The following IL1RAPL1 variants were observed in gnomAD, a reference collection of about 807,000 sequenced individuals.
IL1RAPL1 encodes interleukin-1 receptor accessory protein-like 1.
In IL1RAPL1, 3 loss-of-function variants were observed where a neutral mutation model predicts 48.4. That is an observed-to-expected ratio of 0.06 (90% CI 0.03 to 0.16). The LOEUF (loss-of-function observed/expected upper bound fraction) is 0.16. Ranked by LOEUF, IL1RAPL1 falls within the 10% of genes least tolerant of loss-of-function variation. The pLI is 1.00. For synonymous variants in IL1RAPL1, 185 were observed against 187.7 expected (o/e 0.99, Z 0.12); for missense variants, 349 against 530.6 (o/e 0.66, Z 3.36).
chrX:29,863,993 G>A (rs1040417092), intron 6 of IL1RAPL1, among the ~76,000 whole-genome samples: 1 of 111,082 alleles, frequency 9.0e-6, no homozygotes, highest in Non-Finnish European at 1.9e-5. Context: ...CACCATGTTG[G>A]TCAGGATGGT....
intron 3 of IL1RAPL1, among the ~76,000 whole-genome samples, chrX:29,332,641 TTTA>T (rs1245419725): frequency 0.037 from 3,758 of 100,380 alleles, 149 homozygotes; most frequent in African/African-American, 0.13. Flanking sequence ...TATTTATTTA[TTTA>T]TTTATTTTAT....
chrX:29,337,482 T>A (rs1461566394), intron 3 of IL1RAPL1, among the ~76,000 whole-genome samples: 1 of 111,342 alleles, frequency 9.0e-6, no homozygotes. Context: ...AAAATAGGCG[T>A]CTTGCAGCTC....
At chrX:29,472,184 A>C (rs1183636008) in intron 5 of IL1RAPL1, among the ~76,000 whole-genome samples, 1 of 111,730 alleles carries the variant, frequency 9.0e-6, no homozygotes, top group Non-Finnish European at 1.9e-5. Flanking sequence ...TGCTACCTAT[A>C]TCTCACAGCT....
At chrX:28,649,235 T>A (rs1452695448) in intron 1 of IL1RAPL1, among the ~76,000 whole-genome samples, 1 of 112,165 alleles carries the variant, frequency 8.9e-6, no homozygotes, top group Non-Finnish European at 1.9e-5. Flanking sequence ...CATCAAAGTA[T>A]TCCAAGGGCC....
intron 3 of IL1RAPL1, among the ~76,000 whole-genome samples, chrX:29,372,773 CTTTTTTT>C (rs1160543169): frequency 6.6e-4 from 42 of 63,482 alleles, no homozygotes; most frequent in African/African-American, 2.3e-3. Flanking sequence ...GTCTATGTGT[CTTTTTTT>C]TTTTTTTTTT....
At position 29,322,492 on chromosome X, in the gene IL1RAPL1, C is replaced by G. The variant is rs186680586; in HGVS notation, c.362+39275C>G. Among the ~76,000 whole-genome samples the G allele has an allele frequency of 2.2e-4, 25 of 111,334 alleles. No individual in the cohort carries two copies. In the East Asian group the frequency reaches 6.2e-3, roughly 28 times the overall value. ...ATTGGTCAGGCTGGTCTTGAACTCC[C>G]GAGCTCAGGTGTTCTGTCTGCCTCA... On this transcript the variant is annotated intron_variant, in intron 3 of 10. Transcript: ENST00000378993.
intron 2 of IL1RAPL1, among the ~76,000 whole-genome samples, chrX:29,209,558 G>T (rs1930731011): frequency 9.0e-6 from 1 of 111,688 alleles, no homozygotes; most frequent in Non-Finnish European, 1.9e-5. Context: ...TTGGCTAGGT[G>T]CGCTTATACA....
chrX:29,598,354 C>T (rs111412191), intron 5 of IL1RAPL1, among the ~76,000 whole-genome samples: 1,854 of 111,889 alleles, frequency 0.017, 34 homozygotes, highest in African/African-American at 0.057. Context: ...CTTTTGGAGT[C>T]GATTTCCAAT....
At chrX:28,766,668 C>T (rs971459058) in intron 1 of IL1RAPL1, among the ~76,000 whole-genome samples, 1 of 110,496 alleles carries the variant, frequency 9.1e-6, no homozygotes, top group African/African-American at 3.3e-5. Flanking sequence ...CATTAACCAT[C>T]CTCCTCTCCT....
rs746244407 is a variant in IL1RAPL1, at chrX:28,600,238, A to T, written c.-25+12191A>T. ...TTTGTTTAAAGAGATAAAGAAACTA[A>T]ATACAATGGAGTATAAGGCCTTGCT... On this transcript the variant is annotated intron_variant, in intron 1 of 10. Transcript: ENST00000378993. 3.6e-5 allele frequency among the ~76,000 whole-genome samples: 4 copies of T among 112,005 alleles called. No homozygotes were observed. The East Asian group carries it at 1.1e-3, about 32-fold the overall frequency.
intron 5 of IL1RAPL1, among the ~76,000 whole-genome samples, chrX:29,464,373 C>A (rs1934838857): frequency 9.0e-6 from 1 of 111,121 alleles, no homozygotes; most frequent in Non-Finnish European, 1.9e-5. Flanking sequence ...AAATGGTCTC[C>A]CTTGAGTTGT....
intron 5 of IL1RAPL1, among the ~76,000 whole-genome samples, chrX:29,499,772 T>G (rs542485738): frequency 1.8e-5 from 2 of 111,524 alleles, no homozygotes; most frequent in Admixed American, 1.9e-4. Context: ...AACTTGTCTA[T>G]TGAATTATAA....
chrX:29,755,127 T>C (rs1415136943), intron 6 of IL1RAPL1, among the ~76,000 whole-genome samples: 1 of 112,625 alleles, frequency 8.9e-6, no homozygotes, highest in Non-Finnish European at 1.9e-5. Context: ...GGCAGCTGCC[T>C]CATAAGTATG....
chrX:29,827,324 A>G (rs1930759432), intron 6 of IL1RAPL1, among the ~76,000 whole-genome samples: 1 of 112,701 alleles, frequency 8.9e-6, no homozygotes, highest in African/African-American at 3.2e-5. Context: ...TAAAGGAAGA[A>G]CTTATTCCAC....
chrX:28,781,853 T>C (rs1043631260), intron 1 of IL1RAPL1, among the ~76,000 whole-genome samples: 2 of 111,651 alleles, frequency 1.8e-5, no homozygotes, highest in African/African-American at 6.5e-5. Flanking sequence ...ACTCCCATCA[T>C]CAGATTATCA....
At chrX:28,834,612 A>G (rs1195923718) in intron 2 of IL1RAPL1, among the ~76,000 whole-genome samples, 1 of 111,317 alleles carries the variant, frequency 9.0e-6, no homozygotes, top group Non-Finnish European at 1.9e-5. Context: ...AATAATAGTA[A>G]TTATAATGAC....
At chrX:29,810,628 G>A (rs1327915866) in intron 6 of IL1RAPL1, among the ~76,000 whole-genome samples, 1 of 110,851 alleles carries the variant, frequency 9.0e-6, no homozygotes, top group Non-Finnish European at 1.9e-5. Flanking sequence ...TCTTCTCATG[G>A]AATTCCACTT....
chrX:29,527,527 G>T (rs1935567042), intron 5 of IL1RAPL1, among the ~76,000 whole-genome samples: 1 of 107,841 alleles, frequency 9.3e-6, no homozygotes, highest in Non-Finnish European at 1.9e-5. Flanking sequence ...GGGTTTCACC[G>T]TGTTGGCCAA....
chrX:29,929,612 A>G (rs1932922946), intron 8 of IL1RAPL1, among the ~76,000 whole-genome samples: 1 of 111,667 alleles, frequency 9.0e-6, no homozygotes, highest in African/African-American at 3.3e-5. Context: ...CTGTAACTGC[A>G]AAGTAGAAAT....
Sources: gnomAD v4.1 joint callset for allele counts (sites outside exome capture counted in the v4.1 genomes callset) on GRCh38, gnomAD v4.1.1 for gene constraint, MANE v1.5 for transcripts, NCBI Gene and HGNC (gene_info 2026-07-23, HGNC 2026-07-21) for gene names.